HRH2: variants seen among roughly 807,000 people sequenced by gnomAD.
HRH2 encodes histamine H2 receptor.
HRH2 carries 4 observed loss-of-function variants against 20.1 expected under a neutral mutation model. The ratio of observed to expected loss-of-function variants is 0.20; its 90% CI spans 0.10 to 0.45. The LOEUF is 0.45. HRH2 is among the 20% of genes least tolerant of loss of function. HRH2 has a pLI of 0.99. For synonymous variants in HRH2, 197 were observed against 200.7 expected (o/e 0.98, Z 0.16); for missense variants, 250 against 461.6 (o/e 0.54, Z 4.20).
intron 1 of HRH2, among the ~76,000 whole-genome samples, chr5:175,678,473 C>T (rs1409992610): frequency 1.3e-5 from 2 of 152,226 alleles, no homozygotes; most frequent in Non-Finnish European, 2.9e-5. Flanking sequence ...TTGGAAGTCA[C>T]GTGCCCAAGG....
At chr5:175,658,699 T>TGCC (rs201846324) in intron 1 of HRH2, among the ~76,000 whole-genome samples, 4,194 of 150,788 alleles carry the variant, frequency 0.028, 224 homozygotes, top group Admixed American at 0.13. Context: ...CCCGCTGGGC[T>TGCC]GCCGCCCGCT....
rs632994 is a variant in HRH2, at chr5:175,693,895, A to G, written c.1076+9586A>G. ...TTCCTGCCGTCTCCCCCATTCACTC[A>G]TCCCTTACCAGACACTCTCGCAAGC... On this transcript the variant is annotated intron_variant, in intron 2 of 2. Transcript: ENST00000636584. The surrounding 1 kb of genome is among the most constrained non-coding windows in gnomAD (Gnocchi z 4.4). 0.27 allele frequency among the ~76,000 whole-genome samples: 41,588 copies of G among 151,970 alleles called. 10,807 individuals are homozygous for G. The highest frequency in any genetic ancestry group is 0.68 in the African/African-American group (28,282 of 41,442).
chr5:175,666,443 T>C (rs976346268), intron 1 of HRH2, among the ~76,000 whole-genome samples: 2 of 152,172 alleles, frequency 1.3e-5, no homozygotes, highest in Non-Finnish European at 2.9e-5. Flanking sequence ...TTTTTGGTTT[T>C]TGAGATAGAG....
At chr5:175,697,921 A>G (rs1368672863) in intron 2 of HRH2, among the ~76,000 whole-genome samples, 1 of 152,162 alleles carries the variant, frequency 6.6e-6, no homozygotes, top group Non-Finnish European at 1.5e-5. Context: ...CCTCATGGCA[A>G]CAGGCCCAAC....
intron 1 of HRH2, 130 bp downstream of exon 1, chr5:175,658,285 C>G (rs1305398001): frequency 6.6e-6 from 1 of 152,152 alleles, no homozygotes; most frequent in Non-Finnish European, 1.5e-5. Context: ...GTCGTGGCCC[C>G]GAACCCGGGT....
At chr5:175,701,242 G>T (rs548181312) in intron 2 of HRH2, among the ~76,000 whole-genome samples, 1 of 152,102 alleles carries the variant, frequency 6.6e-6, no homozygotes, top group Non-Finnish European at 1.5e-5. Context: ...ATTATAACAC[G>T]GTCCATGTAA....
chr5:175,698,838 A>G (rs1756699788), intron 2 of HRH2, among the ~76,000 whole-genome samples: 1 of 152,148 alleles, frequency 6.6e-6, no homozygotes, highest in Non-Finnish European at 1.5e-5. Context: ...GGTTCATTTC[A>G]CCTCATTGGG....
chr5:175,696,390 G>A (rs1449824732), intron 2 of HRH2, among the ~76,000 whole-genome samples: 2 of 152,216 alleles, frequency 1.3e-5, no homozygotes, highest in African/African-American at 2.4e-5. Flanking sequence ...ATAAGGCAGG[G>A]AGCCCCCCAC....
chr5:175,704,412 A>G (rs1159507719), intron 2 of HRH2, among the ~76,000 whole-genome samples: 1 of 151,302 alleles, frequency 6.6e-6, no homozygotes, highest in Non-Finnish European at 1.5e-5. Context: ...ATCGAAGCAG[A>G]AAAAAAAACA....
At position 175,707,831 on chromosome 5, in the gene HRH2, A is replaced by C; in HGVS notation, c.1129A>C (p.Lys377Gln). 1 of 399,236 alleles carries C rather than the reference A, an allele frequency of 2.5e-6. No homozygotes were observed. Among genetic ancestry groups the C allele is most frequent in the Non-Finnish European group, 4.4e-6 (1 of 226,200 alleles). 24.7% of individuals were successfully genotyped at this position (399,236 alleles called of 1,614,324 possible). A position where few individuals can be genotyped will look rare whatever the true frequency, so the allele number is the denominator to read the frequency against. ...TCSSNLLSCCKSLWGLRFLQR... is the reference protein window; with the variant it reads ...TCSSNLLSCCQSLWGLRFLQR... ...CTCCAGCAACCTCCTGAGCTGCTGC[A>C]AGAGCCTGTGGGGGCTCAGGTTCCT... Residue 377 changes from lysine (K) to glutamine (Q), a missense_variant, in exon 3 of 3, where the codon AAG (lysine) becomes CAG (glutamine). Transcript: ENST00000636584.
chr5:175,692,895 C>T (rs1756435307), intron 2 of HRH2, among the ~76,000 whole-genome samples: 1 of 152,144 alleles, frequency 6.6e-6, no homozygotes, highest in Non-Finnish European at 1.5e-5. Flanking sequence ...ATGAGTCGCT[C>T]AAAGTGTGGA....
chr5:175,676,657 G>A (rs1755771592), intron 1 of HRH2, among the ~76,000 whole-genome samples: 1 of 152,220 alleles, frequency 6.6e-6, no homozygotes. Flanking sequence ...AGATTGCATA[G>A]TGGTCAAGGC....
intron 2 of HRH2, among the ~76,000 whole-genome samples, chr5:175,690,102 G>A (rs1292122660): frequency 6.6e-6 from 1 of 152,146 alleles, no homozygotes; most frequent in Non-Finnish European, 1.5e-5. Context: ...TTAGTGAAAT[G>A]CTCCCTTTAG....
chr5:175,685,344 G>T, intron 2 of HRH2: 1 of 1,441,658 alleles, frequency 6.9e-7, no homozygotes, highest in South Asian at 1.3e-5. Flanking sequence ...ATGAAAGAAT[G>T]CTCAGAGGAT....
At chr5:175,694,912 G>C (rs142878983) in intron 2 of HRH2, among the ~76,000 whole-genome samples, 1 of 152,112 alleles carries the variant, frequency 6.6e-6, no homozygotes, top group Admixed American at 6.5e-5. Context: ...TGCCACCTCC[G>C]CCCTGGGTGG....
intron 1 of HRH2, among the ~76,000 whole-genome samples, chr5:175,671,608 T>C (rs1304593389): frequency 6.6e-6 from 1 of 152,088 alleles, no homozygotes; most frequent in African/African-American, 2.4e-5. Flanking sequence ...ACAAAAAACT[T>C]TGCAAACACA....
rs1246356015 is a variant in HRH2 at position 175,693,075 on chromosome 5, T to C, written c.1076+8766T>C. Among the ~76,000 whole-genome samples, 1 of 152,192 alleles carries C rather than the reference T, an allele frequency of 6.6e-6. No individual in the cohort carries two copies. The highest frequency in any genetic ancestry group is 2.4e-5 in the African/African-American group (1 of 41,450). On this transcript the variant is annotated intron_variant, in intron 2 of 2. Transcript: ENST00000636584. The surrounding 1 kb of genome is among the most constrained non-coding windows in gnomAD (Gnocchi z 4.4). ...ATTCCCCTGCCACAGATTGGCTGTG[T>C]GAGCTTGGAGAGATCGCATCCCTCT...
intron 2 of HRH2, among the ~76,000 whole-genome samples, chr5:175,689,329 C>T (rs1039924329): frequency 6.6e-6 from 1 of 151,550 alleles, no homozygotes; most frequent in African/African-American, 2.4e-5. Context: ...CCCTTCTTCC[C>T]CCTCTTGACT....
Position 175,693,218 on chromosome 5 carries a change from G to A in HRH2, c.1076+8909G>A, listed in dbSNP as rs1449221978. On this transcript the variant is annotated intron_variant, in intron 2 of 2. Coordinates refer to ENST00000636584, the MANE Select transcript of HRH2 (RefSeq NM_001367711.1). The surrounding 1 kb of genome is among the most constrained non-coding windows in gnomAD (Gnocchi z 4.4). Reference sequence around the variant, plus strand: ...CTGTTTTGGGGGCTTCATTACGCTCGCAGTGGCTGTTTGTGGCAGAGCATT... The same window carrying A: ...CTGTTTTGGGGGCTTCATTACGCTCACAGTGGCTGTTTGTGGCAGAGCATT... Among the ~76,000 whole-genome samples the A allele has an allele frequency of 3.9e-5, 6 of 152,222 alleles. No individual in the cohort carries two copies. Among genetic ancestry groups the A allele is most frequent in the African/African-American group, 9.6e-5 (4 of 41,466 alleles).
Sources: gnomAD v4.1 joint callset for allele counts (sites outside exome capture counted in the v4.1 genomes callset) on GRCh38, gnomAD v4.1.1 for gene constraint, Gnocchi (gnomAD v3.1) non-coding constraint, MANE v1.5 for transcripts, NCBI Gene and HGNC (gene_info 2026-07-23, HGNC 2026-07-21) for gene names.